Variants in SLC35F1 observed in about 807,000 individuals in gnomAD.
SLC35F1 encodes chromosome 6 open reading frame 169.
A neutral mutation model predicts 48.7 loss-of-function variants in SLC35F1; 14 were observed. The ratio of observed to expected loss-of-function variants is 0.29; its 90% CI spans 0.19 to 0.45. The LOEUF (loss-of-function observed/expected upper bound fraction) is 0.45. Ranked by LOEUF, SLC35F1 falls within the 20% of genes least tolerant of loss-of-function variation. SLC35F1 has a pLI of 1.00. For synonymous variants in SLC35F1, 190 were observed against 202.2 expected (o/e 0.94, Z 0.51); for missense variants, 404 against 500.0 (o/e 0.81, Z 1.83).
chr6:117,923,741 A>G (rs1410686305), intron 1 of SLC35F1, among the ~76,000 whole-genome samples: 1 of 67,924 alleles, frequency 1.5e-5, no homozygotes, highest in African/African-American at 4.2e-5. Flanking sequence ...GTATATATAC[A>G]TATATGTACA....
chr6:118,105,855 C>T (rs536131368), intron 1 of SLC35F1, among the ~76,000 whole-genome samples: 10 of 152,238 alleles, frequency 6.6e-5, no homozygotes, highest in South Asian at 2.1e-4. Context: ...ACCTTATTCA[C>T]GATCATACAT....
intron 1 of SLC35F1, among the ~76,000 whole-genome samples, chr6:117,966,393 C>G (rs779521269): frequency 6.6e-6 from 1 of 151,528 alleles, no homozygotes; most frequent in African/African-American, 2.4e-5. Context: ...ACACTCGCCG[C>G]GAAGATCTGC....
intron 1 of SLC35F1, among the ~76,000 whole-genome samples, chr6:118,128,015 C>T (rs1377151519): frequency 2.0e-5 from 3 of 151,740 alleles, no homozygotes; most frequent in Non-Finnish European, 2.9e-5. Context: ...TGAACAGACA[C>T]TTCTCAAAAG....
chr6:117,970,015 A>T (rs1459516468), intron 1 of SLC35F1, among the ~76,000 whole-genome samples: 4 of 152,220 alleles, frequency 2.6e-5, no homozygotes, highest in Non-Finnish European at 5.9e-5. Flanking sequence ...ATTATTTTTA[A>T]AATTTAACTT....
intron 4 of SLC35F1, among the ~76,000 whole-genome samples, chr6:118,269,595 C>G (rs1187319832): frequency 9.2e-5 from 14 of 152,006 alleles, no homozygotes; most frequent in Non-Finnish European, 1.5e-5. Context: ...CAATAGAATC[C>G]TAAAATTGTT....
intron 2 of SLC35F1, among the ~76,000 whole-genome samples, chr6:118,202,211 C>T (rs968443469): frequency 3.9e-5 from 6 of 152,032 alleles, no homozygotes; most frequent in Admixed American, 2.0e-4. Context: ...GTGGCTGCAC[C>T]GGAGCAGGTG....
At chr6:118,222,452 T>C (rs906668725) in intron 2 of SLC35F1, among the ~76,000 whole-genome samples, 1 of 152,134 alleles carries the variant, frequency 6.6e-6, no homozygotes, top group African/African-American at 2.4e-5. Context: ...GTTGTCTCTT[T>C]CTTTGTAATG....
At chr6:118,035,957 G>A (rs770668787) in intron 1 of SLC35F1, among the ~76,000 whole-genome samples, 1 of 151,972 alleles carries the variant, frequency 6.6e-6, no homozygotes, top group Non-Finnish European at 1.5e-5. Context: ...CTCCCAAAGT[G>A]CTGGAATTAC....
chr6:118,234,980 G>T (rs924172251), intron 2 of SLC35F1, among the ~76,000 whole-genome samples: 2 of 152,126 alleles, frequency 1.3e-5, no homozygotes, highest in African/African-American at 4.8e-5. Flanking sequence ...GCCCCAACTT[G>T]CTGTCTCTTC....
chr6:118,236,158 A>G (rs1463254328), intron 3 of SLC35F1, among the ~76,000 whole-genome samples: 1 of 152,164 alleles, frequency 6.6e-6, no homozygotes, highest in Non-Finnish European at 1.5e-5. Context: ...TAAAGGGACA[A>G]GGAGTCAATT....
chr6:118,129,292 A>G (rs1418256156), intron 1 of SLC35F1, among the ~76,000 whole-genome samples: 3 of 152,086 alleles, frequency 2.0e-5, no homozygotes, highest in African/African-American at 4.8e-5. Context: ...TAAGGAAGAG[A>G]ATGGGGTGAG....
intron 6 of SLC35F1, among the ~76,000 whole-genome samples, chr6:118,278,180 T>A (rs2114633678): frequency 6.6e-6 from 1 of 152,328 alleles, no homozygotes; most frequent in East Asian, 1.9e-4. Flanking sequence ...TCCTAGGACA[T>A]GCTGTAATGA....
intron 2 of SLC35F1, among the ~76,000 whole-genome samples, chr6:118,233,816 G>A (rs560268998): frequency 1.4e-4 from 22 of 152,288 alleles, no homozygotes; most frequent in East Asian, 7.7e-4. Flanking sequence ...GATGGGGAGC[G>A]CAGTTCCCTG....
At chr6:118,008,365 C>T (rs1777202848) in intron 1 of SLC35F1, among the ~76,000 whole-genome samples, 1 of 152,062 alleles carries the variant, frequency 6.6e-6, no homozygotes, top group African/African-American at 2.4e-5. Context: ...GTGTGCACAG[C>T]AGGGGGCTTG....
intron 1 of SLC35F1, among the ~76,000 whole-genome samples, chr6:118,112,468 G>A (rs1773421238): frequency 6.6e-6 from 1 of 152,108 alleles, no homozygotes; most frequent in Non-Finnish European, 1.5e-5. Context: ...GCCCTACTCT[G>A]TCTATGAAGC....
At chr6:117,996,842 C>G (rs1450497026) in intron 1 of SLC35F1, among the ~76,000 whole-genome samples, 1 of 152,136 alleles carries the variant, frequency 6.6e-6, no homozygotes, top group African/African-American at 2.4e-5. Context: ...AGCAGAAAAA[C>G]TGGAAACTCT....
At chr6:117,999,395 G>C in intron 1 of SLC35F1, 1 of 1,586,618 alleles carries the variant, frequency 6.3e-7, no homozygotes, top group Non-Finnish European at 8.5e-7. Context: ...TCCAGCTTCA[G>C]TTCCAGCTCA....
At chr6:118,081,083 G>C (rs904611645) in intron 1 of SLC35F1, among the ~76,000 whole-genome samples, 1 of 152,126 alleles carries the variant, frequency 6.6e-6, no homozygotes, top group African/African-American at 2.4e-5. Flanking sequence ...GAAGCTCAGA[G>C]CGTCACATTA....
intron 1 of SLC35F1, among the ~76,000 whole-genome samples, chr6:118,058,851 A>G (rs976385834): frequency 1.3e-5 from 2 of 152,194 alleles, no homozygotes; most frequent in Non-Finnish European, 2.9e-5. Context: ...ATCTGGAGAA[A>G]TTTGCTGTCA....
Sources: gnomAD v4.1 joint callset for allele counts (sites outside exome capture counted in the v4.1 genomes callset) on GRCh38, gnomAD v4.1.1 for gene constraint, MANE v1.5 for transcripts, NCBI Gene and HGNC (gene_info 2026-07-23, HGNC 2026-07-21) for gene names.